Variants in HIGD1C observed in about 807,000 individuals in gnomAD.
HIGD1C encodes the protein HIG1 domain family member 1C.
A neutral mutation model predicts 13.1 loss-of-function variants in HIGD1C; 11 were observed. The observed-to-expected ratio is 0.84, with a 90% confidence interval of 0.53 to 1.39. The LOEUF (loss-of-function observed/expected upper bound fraction) is 1.39. HIGD1C is among the 40% of genes most tolerant of loss of function. The probability of loss-of-function intolerance (pLI) is 0.00; values close to 1 mark genes in which losing one functional copy is unlikely to be tolerated. For missense variants in HIGD1C, 110 were observed against 112.0 expected (o/e 0.98, Z 0.08); for synonymous variants, 36 against 37.7 (o/e 0.95, Z 0.17).
At chr12:50,946,788 T>C in the HIGD1C span, among the ~76,000 whole-genome samples, 1 of 152,170 alleles carries the variant, frequency 6.6e-6, no homozygotes, top group South Asian at 2.1e-4. Flanking sequence ...AGGGATAGCA[T>C]TAGGAGATAT....
chr12:50,947,701 G>A, the HIGD1C span, among the ~76,000 whole-genome samples: 1 of 152,188 alleles, frequency 6.6e-6, no homozygotes, highest in Non-Finnish European at 1.5e-5. Flanking sequence ...GTGGTGAAGA[G>A]GCAATATTAT....
downstream of HIGD1C, among the ~76,000 whole-genome samples, chr12:50,971,516 T>C (rs897180493): frequency 1.3e-5 from 2 of 152,238 alleles, no homozygotes; most frequent in Non-Finnish European, 2.9e-5. Flanking sequence ...GAAGTGCTAA[T>C]GCTAATGTGG....
At chr12:50,960,349 G>C (rs2092126825) in intron 1 of HIGD1C, among the ~76,000 whole-genome samples, 1 of 152,188 alleles carries the variant, frequency 6.6e-6, no homozygotes, top group African/African-American at 2.4e-5. Context: ...GAGATGCTGG[G>C]TTAGTTCACT....
At chr12:50,931,459 TAG>T in the HIGD1C span, 1 of 150,830 alleles carries the variant, frequency 6.6e-6, no homozygotes, top group African/African-American at 2.4e-5. Flanking sequence ...CCTGTAATCC[TAG>T]CACTTTGGGA....
intron 2 of HIGD1C, among the ~76,000 whole-genome samples, chr12:50,967,697 C>T (rs530222974): frequency 1.3e-5 from 2 of 152,312 alleles, no homozygotes; most frequent in African/African-American, 4.8e-5. Flanking sequence ...AGAACCAATT[C>T]CGGATAACCC....
At chr12:50,969,836 T>C (rs977476273) in intron 2 of HIGD1C, among the ~76,000 whole-genome samples, 2 of 152,150 alleles carry the variant, frequency 1.3e-5, no homozygotes, top group African/African-American at 4.8e-5. Flanking sequence ...GGTGGTGGTA[T>C]GTGAGTTGTA....
intron 1 of HIGD1C, among the ~76,000 whole-genome samples, chr12:50,958,917 T>C (rs1277978819): frequency 2.0e-5 from 3 of 151,278 alleles, no homozygotes; most frequent in African/African-American, 7.3e-5. Context: ...CTAGGGAGGC[T>C]GAGGCACGAG....
At chr12:50,970,443 T>G (rs1195395254) in exon 3 of HIGD1C, 2 of 1,451,570 alleles carry the variant, frequency 1.4e-6, no homozygotes, top group East Asian at 5.0e-5. Context: ...TTTTTCTAGG[T>G]GTTCTCTATT....
the HIGD1C span, chr12:50,935,603 C>T: frequency 6.6e-6 from 1 of 152,358 alleles, no homozygotes; most frequent in East Asian, 1.9e-4. Context: ...ATCATCCTGC[C>T]TCAGGCTCCT....
At chr12:50,950,650 C>T (rs1455566623), upstream of HIGD1C, among the ~76,000 whole-genome samples, 3 of 149,640 alleles carry the variant, frequency 2.0e-5, no homozygotes, top group Non-Finnish European at 4.4e-5. Context: ...ATTACAGGCA[C>T]GCACCATCAT....
intron 2 of HIGD1C, among the ~76,000 whole-genome samples, chr12:50,968,261 G>C (rs1410853446): frequency 6.6e-6 from 1 of 152,202 alleles, no homozygotes; most frequent in African/African-American, 2.4e-5. Context: ...TAAGGCAGCA[G>C]TTGGGAAGGA....
At chr12:50,946,004 G>C in the HIGD1C span, among the ~76,000 whole-genome samples, 1 of 152,122 alleles carries the variant, frequency 6.6e-6, no homozygotes, top group African/African-American at 2.4e-5. Context: ...TTAATAAATG[G>C]TGCTGGGAAA....
At chr12:50,934,210 G>A in the HIGD1C span, among the ~76,000 whole-genome samples, 1 of 152,198 alleles carries the variant, frequency 6.6e-6, no homozygotes, top group African/African-American at 2.4e-5. Context: ...AGATCATATA[G>A]TACAATGCTT....
At chr12:50,943,370 T>C in the HIGD1C span, among the ~76,000 whole-genome samples, 1 of 152,260 alleles carries the variant, frequency 6.6e-6, no homozygotes, top group Admixed American at 6.5e-5. Context: ...TGAAGCTTAC[T>C]AGTTCTCAAA....
At chr12:50,955,224 T>C (rs554212135) in intron 1 of HIGD1C, among the ~76,000 whole-genome samples, 2 of 152,062 alleles carry the variant, frequency 1.3e-5, no homozygotes, top group African/African-American at 4.8e-5. Context: ...ACCCGGGAGG[T>C]AGAGGTTGGG....
At chr12:50,938,297 G>A in the HIGD1C span, among the ~76,000 whole-genome samples, 20 of 152,112 alleles carry the variant, frequency 1.3e-4, no homozygotes, top group Admixed American at 1.3e-3. Flanking sequence ...ACCGCCCTGA[G>A]TGCATGCACC....
At chr12:50,966,323 A>T (rs962975262) in intron 2 of HIGD1C, among the ~76,000 whole-genome samples, 8 of 152,202 alleles carry the variant, frequency 5.3e-5, no homozygotes. Flanking sequence ...AAGCAGGATA[A>T]ATTTACTCTA....
At chr12:50,962,112 G>A (rs1051407357) in intron 2 of HIGD1C, among the ~76,000 whole-genome samples, 1 of 152,154 alleles carries the variant, frequency 6.6e-6, no homozygotes, top group African/African-American at 2.4e-5. Flanking sequence ...CTGGCTGGGC[G>A]CAGTGGCTTG....
chr12:50,952,738 G>T (rs537907692), upstream of HIGD1C, among the ~76,000 whole-genome samples: 1 of 152,174 alleles, frequency 6.6e-6, no homozygotes, highest in East Asian at 1.9e-4. Context: ...GGCTCTCATC[G>T]CCTCAGCCGG....
Sources: gnomAD v4.1 joint callset for allele counts (sites outside exome capture counted in the v4.1 genomes callset) on GRCh38, gnomAD v4.1.1 for gene constraint, MANE v1.5 for transcripts, NCBI Gene and HGNC (gene_info 2026-07-23, HGNC 2026-07-21) for gene names.